CPNE4: variants seen among roughly 807,000 people sequenced by gnomAD.
The protein encoded by CPNE4 is copine 4.
A neutral mutation model predicts 67.9 loss-of-function variants in CPNE4; 25 were observed. The observed-to-expected ratio is 0.37, with a 90% confidence interval of 0.27 to 0.51. The LOEUF (loss-of-function observed/expected upper bound fraction) is 0.51, where lower values mean the gene tolerates loss of function less well. Among genes scored for constraint, CPNE4 ranks in the 20% least tolerant of loss-of-function variants. CPNE4 has a pLI of 0.93. For synonymous variants in CPNE4, 242 were observed against 244.9 expected (o/e 0.99, Z 0.11); for missense variants, 464 against 690.8 (o/e 0.67, Z 3.68).
intron 1 of CPNE4, among the ~76,000 whole-genome samples, chr3:132,016,328 G>A (rs1338745967): frequency 6.6e-6 from 1 of 152,120 alleles, no homozygotes; most frequent in Non-Finnish European, 1.5e-5. Context: ...ATCAAAGTTT[G>A]GAATTTCAAC....
At chr3:131,858,690 T>C (rs138991158) in intron 2 of CPNE4, among the ~76,000 whole-genome samples, 4 of 152,306 alleles carry the variant, frequency 2.6e-5, no homozygotes, top group African/African-American at 7.2e-5. Context: ...GCAACTTAAA[T>C]ACTATGAGTG....
At chr3:131,646,836 G>A (rs1247049194) in intron 7 of CPNE4, among the ~76,000 whole-genome samples, 1 of 152,184 alleles carries the variant, frequency 6.6e-6, no homozygotes, top group Non-Finnish European at 1.5e-5. Flanking sequence ...AAAAGTTCTA[G>A]GCATCCAGTG....
At chr3:131,871,733 A>G (rs2087217431) in intron 2 of CPNE4, among the ~76,000 whole-genome samples, 1 of 152,198 alleles carries the variant, frequency 6.6e-6, no homozygotes, top group Non-Finnish European at 1.5e-5. Context: ...AACATTCGAG[A>G]AAACCAAACA....
intron 7 of CPNE4, among the ~76,000 whole-genome samples, chr3:131,667,626 T>TAC (rs2080298602): frequency 2.0e-5 from 3 of 151,842 alleles, no homozygotes; most frequent in African/African-American, 7.3e-5. Context: ...TTTCTTTCCT[T>TAC]TCTTCTTTTT....
At chr3:131,811,589 T>G (rs1415747332) in intron 2 of CPNE4, among the ~76,000 whole-genome samples, 1 of 152,156 alleles carries the variant, frequency 6.6e-6, no homozygotes, top group Non-Finnish European at 1.5e-5. Context: ...ATTTTCCTTC[T>G]GTCCCAACCC....
chr3:131,774,341 A>T (rs1388903323), intron 2 of CPNE4, among the ~76,000 whole-genome samples: 1 of 71,032 alleles, frequency 1.4e-5, no homozygotes, highest in African/African-American at 4.8e-5. Flanking sequence ...AACGGTAAGA[A>T]AAAAAAAAAA....
At chr3:131,744,408 T>C (rs571030612) in intron 2 of CPNE4, among the ~76,000 whole-genome samples, 1 of 152,346 alleles carries the variant, frequency 6.6e-6, no homozygotes, top group African/African-American at 2.4e-5. Flanking sequence ...TAGATTCACA[T>C]TCAATTGTAA....
intron 1 of CPNE4, among the ~76,000 whole-genome samples, chr3:131,938,120 G>A (rs1291527009): frequency 1.3e-5 from 2 of 152,152 alleles, no homozygotes; most frequent in African/African-American, 4.8e-5. Flanking sequence ...CACTTTGTGA[G>A]GCCAAGGTTG....
chr3:132,005,428 A>T (rs1403580354), intron 1 of CPNE4, among the ~76,000 whole-genome samples: 2 of 150,118 alleles, frequency 1.3e-5, no homozygotes, highest in Non-Finnish European at 3.0e-5. Context: ...ACTATACTTT[A>T]CAAAAGGAAG....
At chr3:131,559,470 T>C (rs1936642376) in intron 11 of CPNE4, among the ~76,000 whole-genome samples, 1 of 151,930 alleles carries the variant, frequency 6.6e-6, no homozygotes. Flanking sequence ...TTCTGATAGG[T>C]TTTTATAGGC....
chr3:131,861,726 C>A (rs1435328646), intron 2 of CPNE4, among the ~76,000 whole-genome samples: 2 of 151,920 alleles, frequency 1.3e-5, no homozygotes, highest in East Asian at 3.9e-4. Flanking sequence ...AGCCACCAAG[C>A]CCGGCCTAGG....
chr3:131,738,049 A>C (rs1389817591), intron 2 of CPNE4, among the ~76,000 whole-genome samples: 5 of 152,100 alleles, frequency 3.3e-5, no homozygotes, highest in Non-Finnish European at 5.9e-5. Flanking sequence ...CATCCATCCT[A>C]ATGCATAGAG....
intron 1 of CPNE4, among the ~76,000 whole-genome samples, chr3:132,005,883 T>C (rs1163074978): frequency 6.6e-6 from 1 of 152,120 alleles, no homozygotes; most frequent in Non-Finnish European, 1.5e-5. Flanking sequence ...CCTGGAAGTT[T>C]GAAGTCTAAC....
chr3:131,579,277 A>C (rs141542794), intron 9 of CPNE4, among the ~76,000 whole-genome samples: 3 of 152,308 alleles, frequency 2.0e-5, no homozygotes, highest in African/African-American at 7.2e-5. Flanking sequence ...GATTTACTGA[A>C]TATTTTGAGT....
intron 6 of CPNE4, among the ~76,000 whole-genome samples, chr3:131,678,138 CTTTCAGT>C (rs2107668290): frequency 6.6e-6 from 1 of 152,052 alleles, no homozygotes; most frequent in East Asian, 1.9e-4. Context: ...CTTGGTAGAT[CTTTCAGT>C]TTCCTTGTTA....
chr3:131,846,814 T>G (rs893711153), intron 2 of CPNE4, among the ~76,000 whole-genome samples: 4 of 152,188 alleles, frequency 2.6e-5, no homozygotes, highest in Admixed American at 1.3e-4. Context: ...AGATTTTACA[T>G]TCAGTTCCAT....
At chr3:131,723,712 T>C in intron 2 of CPNE4, 87 bp from the exon 3 acceptor site, 1 of 1,218,090 alleles carries the variant, frequency 8.2e-7, no homozygotes, top group Non-Finnish European at 1.2e-6. Context: ...GCACTTCCCT[T>C]CTTCCCAACC....
chr3:131,700,271 TAGAC>T (rs60061692), intron 3 of CPNE4, among the ~76,000 whole-genome samples: 18,898 of 151,924 alleles, frequency 0.12, 1,402 homozygotes, highest in Middle Eastern at 0.23. Flanking sequence ...ATATTAAAAT[TAGAC>T]AGACAACTTT....
chr3:131,882,723 A>T (rs373279401), intron 2 of CPNE4, among the ~76,000 whole-genome samples: 53 of 136,138 alleles, frequency 3.9e-4, no homozygotes, highest in Non-Finnish European at 5.2e-4. Flanking sequence ...GTTCTGCTCT[A>T]TTTTTTTTTT....
Sources: gnomAD v4.1 joint callset for allele counts (sites outside exome capture counted in the v4.1 genomes callset) on GRCh38, gnomAD v4.1.1 for gene constraint, MANE v1.5 for transcripts, NCBI Gene and HGNC (gene_info 2026-07-23, HGNC 2026-07-21) for gene names.